CCDC146: variants seen among roughly 807,000 people sequenced by gnomAD.
The protein encoded by CCDC146 is coiled-coil domain-containing protein 146.
Under a neutral mutation model 119.3 loss-of-function variants are expected in CCDC146, and 92 were observed. That is an observed-to-expected ratio of 0.77 (90% CI 0.65 to 0.92). The LOEUF (loss-of-function observed/expected upper bound fraction) is 0.92. Among genes scored for constraint, CCDC146 ranks in the 40% least tolerant of loss-of-function variants. CCDC146 has a pLI of 0.00. For missense variants in CCDC146, 1,000 were observed against 1,103.0 expected, an observed-to-expected ratio of 0.91 and a Z score of 1.32; for synonymous variants, 372 against 371.8, an observed-to-expected ratio of 1.00 and a Z score of -0.01.
intron 1 of CCDC146, among the ~76,000 whole-genome samples, chr7:77,158,987 A>C (rs1791218032): frequency 6.6e-6 from 1 of 152,156 alleles, no homozygotes; most frequent in African/African-American, 2.4e-5. Context: ...TTTTAAAAAA[A>C]CACGTTATTG....
intron 11 of CCDC146, among the ~76,000 whole-genome samples, chr7:77,277,776 A>C (rs1024952436): frequency 1.3e-5 from 2 of 152,182 alleles, no homozygotes; most frequent in African/African-American, 4.8e-5. Context: ...AGTTTCTTTC[A>C]AATCACTCAT....
intron 2 of CCDC146, 54 bp from the exon 3 acceptor site, chr7:77,236,893 G>A (rs898380328): frequency 5.0e-5 from 67 of 1,334,312 alleles, no homozygotes; most frequent in Middle Eastern, 1.8e-4. Flanking sequence ...TCCATCCCCT[G>A]CTTAAGCCTA....
intron 4 of CCDC146, 59 bp downstream of exon 4, chr7:77,241,959 A>G: frequency 1.5e-6 from 2 of 1,370,592 alleles, no homozygotes; most frequent in Non-Finnish European, 2.1e-6. Flanking sequence ...ATAGAAAAAA[A>G]TCAGATTAAG....
chr7:77,275,156 C>T (rs943755353), intron 11 of CCDC146, among the ~76,000 whole-genome samples: 2 of 150,826 alleles, frequency 1.3e-5, no homozygotes, highest in African/African-American at 4.9e-5. Flanking sequence ...TTTTTTTCAA[C>T]CAAATGCAGA....
At chr7:77,271,417 A>G (rs1277780237) in intron 9 of CCDC146, among the ~76,000 whole-genome samples, 1 of 150,198 alleles carries the variant, frequency 6.7e-6, no homozygotes, top group African/African-American at 2.5e-5. Flanking sequence ...CAGCTTGCAG[A>G]TGGCCTATTG....
chr7:77,287,058 G>C, intron 16 of CCDC146, 132 bp downstream of exon 16: 1 of 985,814 alleles, frequency 1.0e-6, no homozygotes, highest in Non-Finnish European at 1.5e-6. Flanking sequence ...TAGTCCTTTT[G>C]TTGTAATCTA....
chr7:77,178,354 T>C (rs916900734), intron 2 of CCDC146, among the ~76,000 whole-genome samples: 3 of 152,182 alleles, frequency 2.0e-5, no homozygotes, highest in Non-Finnish European at 2.9e-5. Context: ...ATTGGTCCTT[T>C]ACCTCCTCAC....
chr7:77,244,064 G>C (rs1405548449), intron 4 of CCDC146, among the ~76,000 whole-genome samples: 1 of 152,120 alleles, frequency 6.6e-6, no homozygotes, highest in Non-Finnish European at 1.5e-5. Context: ...TTTTAGTAGA[G>C]ACGGGATTTC....
At chr7:77,266,740 A>C (rs1464459869) in intron 9 of CCDC146, among the ~76,000 whole-genome samples, 2 of 152,156 alleles carry the variant, frequency 1.3e-5, no homozygotes, top group African/African-American at 2.4e-5. Context: ...TGTTCTCCAT[A>C]GGTCCAGCTC....
chr7:77,178,462 G>T (rs1204447531), intron 2 of CCDC146, among the ~76,000 whole-genome samples: 1 of 152,172 alleles, frequency 6.6e-6, no homozygotes, highest in African/African-American at 2.4e-5. Flanking sequence ...GGAGGAAAAC[G>T]CAGCAGTGGC....
intron 2 of CCDC146, among the ~76,000 whole-genome samples, chr7:77,223,405 C>T (rs939749804): frequency 6.6e-6 from 1 of 152,196 alleles, no homozygotes; most frequent in African/African-American, 2.4e-5. Context: ...TCTTGGGAGG[C>T]CCCGTTTGCC....
intron 9 of CCDC146, among the ~76,000 whole-genome samples, chr7:77,272,431 G>A (rs998635271): frequency 2.0e-5 from 3 of 152,156 alleles, no homozygotes; most frequent in African/African-American, 7.2e-5. Flanking sequence ...CTTTAACATA[G>A]CAGCATGATC....
intron 1 of CCDC146, among the ~76,000 whole-genome samples, chr7:77,123,285 A>C (rs962027866): frequency 6.6e-5 from 10 of 150,686 alleles, no homozygotes; most frequent in African/African-American, 2.4e-4. Flanking sequence ...GGTGCGGTGG[A>C]AAGAGCAGGG....
chr7:77,199,318 T>C, intron 2 of CCDC146: 3 of 1,614,162 alleles, frequency 1.9e-6, no homozygotes, highest in Non-Finnish European at 2.5e-6. Context: ...ATTCAGCTTC[T>C]CCAGGCGACC....
intron 1 of CCDC146, among the ~76,000 whole-genome samples, chr7:77,123,339 G>A (rs1790650954): frequency 6.6e-6 from 1 of 150,988 alleles, no homozygotes; most frequent in Non-Finnish European, 1.5e-5. Flanking sequence ...TGCTTCATCT[G>A]TGTCACCTAG....
intron 4 of CCDC146, among the ~76,000 whole-genome samples, chr7:77,251,169 C>T (rs1336558183): frequency 2.6e-5 from 4 of 151,884 alleles, no homozygotes; most frequent in Non-Finnish European, 4.4e-5. Flanking sequence ...TTACAAGTGG[C>T]CGCCAATACG....
intron 2 of CCDC146, among the ~76,000 whole-genome samples, chr7:77,219,775 C>T (rs1177459318): frequency 1.3e-5 from 2 of 152,050 alleles, no homozygotes; most frequent in South Asian, 2.1e-4. Flanking sequence ...CATCACATGT[C>T]GGCAAGTTCT....
chr7:77,194,829 C>T (rs914648856), intron 2 of CCDC146: 2 of 152,052 alleles, frequency 1.3e-5, no homozygotes, highest in African/African-American at 4.8e-5. Flanking sequence ...TCCCTTTTTA[C>T]GATGATGAAA....
At chr7:77,127,531 T>C (rs1437276114) in intron 1 of CCDC146, among the ~76,000 whole-genome samples, 1 of 152,154 alleles carries the variant, frequency 6.6e-6, no homozygotes, top group Non-Finnish European at 1.5e-5. Context: ...TTACATTTTA[T>C]TTTCATGAAG....
Sources: allele counts gnomAD v4.1 joint callset (sites outside exome capture counted in the v4.1 genomes callset), GRCh38; gene constraint gnomAD v4.1.1; transcripts MANE v1.5; gene names NCBI Gene and HGNC (gene_info 2026-07-23, HGNC 2026-07-21).